Variants in BABAM2 observed in about 807,000 individuals in gnomAD.
The protein encoded by BABAM2 is BRISC and BRCA1 A complex member 2, also known as BRISC and BRCA1-A complex member 2.
BABAM2 carries 31 observed loss-of-function variants against 54.7 expected under a neutral mutation model. The ratio of observed to expected loss-of-function variants is 0.57; its 90% CI spans 0.43 to 0.77. The LOEUF (loss-of-function observed/expected upper bound fraction) is 0.77, where lower values mean the gene tolerates loss of function less well. BABAM2 is among the 30% of genes least tolerant of loss of function. BABAM2 has a pLI of 0.00. For synonymous variants in BABAM2, 167 were observed against 162.9 expected (o/e 1.03, Z -0.19); for missense variants, 364 against 455.8 (o/e 0.80, Z 1.83).
chr2:28,113,926 A>G (rs1668363572), intron 6 of BABAM2, among the ~76,000 whole-genome samples: 1 of 152,136 alleles, frequency 6.6e-6, no homozygotes, highest in Non-Finnish European at 1.5e-5. Flanking sequence ...ATGGGAGTAC[A>G]CTCATGATTT....
At chr2:28,334,552 G>A (rs892006709) in intron 11 of BABAM2, among the ~76,000 whole-genome samples, 1 of 152,234 alleles carries the variant, frequency 6.6e-6, no homozygotes, top group African/African-American at 2.4e-5. Context: ...GTGGTACTGG[G>A]ATGGGCCAGA....
chr2:28,054,396 C>CA (rs1678234187), intron 6 of BABAM2, among the ~76,000 whole-genome samples: 1 of 152,108 alleles, frequency 6.6e-6, no homozygotes, highest in African/African-American at 2.4e-5. Flanking sequence ...GAATTATCTT[C>CA]CAAGTCTTAG....
intron 7 of BABAM2, among the ~76,000 whole-genome samples, chr2:28,216,698 G>A (rs1679947276): frequency 6.6e-6 from 1 of 152,154 alleles, no homozygotes; most frequent in South Asian, 2.1e-4. Context: ...CTACTGTGTA[G>A]AGAGCTCAGA....
chr2:28,281,190 C>A (rs1187964107), intron 10 of BABAM2, among the ~76,000 whole-genome samples: 1 of 152,156 alleles, frequency 6.6e-6, no homozygotes, highest in Non-Finnish European at 1.5e-5. Context: ...CCCCCACCGG[C>A]ATTCAAGGAT....
rs1274431507 is a variant in BABAM2, at chr2:28,026,897, A to AATATATATATATTAATATATATAAAT, written c.495+1486_495+1487insTATTAATATATATAAATATATATATA. 2.0e-3 allele frequency among the ~76,000 whole-genome samples: 42 copies of AATATATATATATTAATATATATAAAT among 20,620 alleles called. 3 individuals carry two copies. The highest frequency in any genetic ancestry group is 5.5e-3 in the African/African-American group (42 of 7,684). The allele number at this position is 20,620 out of a possible 152,430, so 13.5% of individuals were successfully genotyped here. On this transcript the variant is annotated intron_variant, in intron 5 of 11. Transcript: ENST00000379624. Reference sequence around the variant, plus strand: ...ATTTATATATATATAGATATATATAAATATATATAAATATATATTAATATA... The same window carrying AATATATATATATTAATATATATAAAT: ...ATTTATATATATATAGATATATATAAATATATATATATTAATATATATAAATATATATATAAATATATATTAATATA...
intron 3 of BABAM2, among the ~76,000 whole-genome samples, chr2:27,968,327 G>A (rs1409556852): frequency 6.6e-6 from 1 of 152,214 alleles, no homozygotes; most frequent in Non-Finnish European, 1.5e-5. Context: ...CCCGAGCCTT[G>A]GCAGCTTCCA....
At chr2:28,244,064 G>A (rs1224414196) in intron 9 of BABAM2, among the ~76,000 whole-genome samples, 1 of 152,124 alleles carries the variant, frequency 6.6e-6, no homozygotes, top group African/African-American at 2.4e-5. Flanking sequence ...CTACAGAATT[G>A]CGCCTTGGCC....
chr2:27,908,030 AC>A (rs1288023871), intron 2 of BABAM2, among the ~76,000 whole-genome samples: 4 of 152,280 alleles, frequency 2.6e-5, no homozygotes, highest in African/African-American at 9.6e-5. Flanking sequence ...TTGCGTATAT[AC>A]CCAGAAGTAG....
At chr2:28,309,412 A>T (rs1688861936) in intron 11 of BABAM2, 1 of 152,098 alleles carries the variant, frequency 6.6e-6, no homozygotes, top group African/African-American at 2.4e-5. Context: ...CCAGAATGAA[A>T]TCCATCACAT....
In BABAM2 at chr2:28,322,375, C is replaced by T. The variant is rs1690092548; in HGVS notation, c.1089-16075C>T. On this transcript the variant is annotated intron_variant, in intron 11 of 11. Coordinates refer to ENST00000379624, the MANE Select transcript of BABAM2 (RefSeq NM_199191.3). This position sits in a 1 kb window ranked among gnomAD's most constrained non-coding sequence, Gnocchi z 4.1. ...ACAGTTTATGTAAGATTGCTTCATT[C>T]CAGAGAGCAGAACTGGGATCCATGG... Among the ~76,000 whole-genome samples the T allele has an allele frequency of 6.6e-6, 1 of 152,222 alleles. No homozygotes were observed. Among genetic ancestry groups the T allele is most frequent in the Admixed American group, 6.5e-5 (1 of 15,288 alleles).
At chr2:28,280,261 A>G (rs1167674865) in intron 10 of BABAM2, among the ~76,000 whole-genome samples, 1 of 150,646 alleles carries the variant, frequency 6.6e-6, no homozygotes, top group East Asian at 2.0e-4. Flanking sequence ...GGATCTTGCC[A>G]TGTTGCCCAG....
At chr2:28,099,321 C>T (rs1046920203) in intron 6 of BABAM2, among the ~76,000 whole-genome samples, 11 of 152,180 alleles carry the variant, frequency 7.2e-5, no homozygotes, top group African/African-American at 2.7e-4. Flanking sequence ...AGGCCAAACT[C>T]TGTCCACCAA....
At chr2:27,985,297 T>G (rs891524817) in intron 3 of BABAM2, among the ~76,000 whole-genome samples, 5 of 152,194 alleles carry the variant, frequency 3.3e-5, no homozygotes, top group African/African-American at 1.2e-4. Flanking sequence ...TTAAGGAATC[T>G]CCACACTGTT....
At position 27,981,501 on chromosome 2, in the gene BABAM2, C is replaced by A. The variant is rs56684452; in HGVS notation, c.206-6492C>A. On this transcript the variant is annotated intron_variant, in intron 3 of 11. Coordinates refer to ENST00000379624, the MANE Select transcript of BABAM2 (RefSeq NM_199191.3). Reference sequence around the variant, plus strand: ...AAGAAAGCTTGTACCAGTTAGCAGTCGCTTCCCATTCTCCTGTTCCCCATT... The same window carrying A: ...AAGAAAGCTTGTACCAGTTAGCAGTAGCTTCCCATTCTCCTGTTCCCCATT... Among the ~76,000 whole-genome samples the A allele has an allele frequency of 1.6e-3, 250 of 152,228 alleles. 1 individual carries two copies. The highest frequency in any genetic ancestry group is 5.7e-3 in the African/African-American group (237 of 41,570).
In BABAM2 at chr2:28,222,021, G is replaced by A. The variant is rs115223302; in HGVS notation, c.681-15181G>A. On this transcript the variant is annotated intron_variant, in intron 7 of 11. Coordinates refer to ENST00000379624, the MANE Select transcript of BABAM2 (RefSeq NM_199191.3). ...TAGCCCCAGACTGTATTGAGAAGCAGTCTTGGTCTTGTTGGGAAAGGGAGG... is the reference window on the plus strand; with the variant it reads ...TAGCCCCAGACTGTATTGAGAAGCAATCTTGGTCTTGTTGGGAAAGGGAGG... Among the ~76,000 whole-genome samples, 874 of 152,332 alleles carry A rather than the reference G, an allele frequency of 5.7e-3. 8 individuals carry two copies. The highest frequency in any genetic ancestry group is 0.02 in the African/African-American group (823 of 41,578).
intron 7 of BABAM2, among the ~76,000 whole-genome samples, chr2:28,199,656 C>T (rs1678036505): frequency 6.6e-6 from 1 of 152,074 alleles, no homozygotes. Context: ...TCGTGTTGAC[C>T]CTTTAGTTGG....
At chr2:28,167,868 G>GT (rs1038120093) in intron 7 of BABAM2, among the ~76,000 whole-genome samples, 1 of 152,122 alleles carries the variant, frequency 6.6e-6, no homozygotes, top group Non-Finnish European at 1.5e-5. Flanking sequence ...GATGCTAAGT[G>GT]TTTTTCCTGC....
chr2:28,080,574 C>T (rs534008016), intron 6 of BABAM2, among the ~76,000 whole-genome samples: 230 of 152,184 alleles, frequency 1.5e-3, no homozygotes, highest in African/African-American at 5.2e-3. Flanking sequence ...TTGGTGATGG[C>T]TGTTGAACAA....
chr2:28,260,092 G>A (rs1004537419), intron 10 of BABAM2, among the ~76,000 whole-genome samples: 13 of 151,574 alleles, frequency 8.6e-5, no homozygotes, highest in Non-Finnish European at 1.5e-5. Context: ...GTAGAGACGG[G>A]GTTTCACCAT....
Sources: gnomAD v4.1 joint callset for allele counts (sites outside exome capture counted in the v4.1 genomes callset) on GRCh38, gnomAD v4.1.1 for gene constraint, Gnocchi (gnomAD v3.1) non-coding constraint, MANE v1.5 for transcripts, NCBI Gene and HGNC (gene_info 2026-07-23, HGNC 2026-07-21) for gene names.